KLF13: variants seen among roughly 807,000 people sequenced by gnomAD.
KLF13 encodes KLF transcription factor 13.
KLF13 carries 8 observed loss-of-function variants against 16.7 expected under a neutral mutation model. The ratio of observed to expected loss-of-function variants is 0.48; its 90% CI spans 0.28 to 0.87. KLF13 has a LOEUF of 0.87. KLF13 is among the 40% of genes least tolerant of loss of function. The pLI is 0.10. For missense variants in KLF13, 447 were observed against 452.2 expected, an observed-to-expected ratio of 0.99 and a Z score of 0.10; for synonymous variants, 245 against 208.4, an observed-to-expected ratio of 1.18 and a Z score of -1.51.
intron 1 of KLF13, among the ~76,000 whole-genome samples, chr15:31,339,069 T>A (rs1213701376): frequency 6.6e-6 from 1 of 152,062 alleles, no homozygotes; most frequent in African/African-American, 2.4e-5. Context: ...GGCCTGTCCC[T>A]TGGGTGTTGG....
chr15:31,381,890 C>T (rs147586177), downstream of KLF13, among the ~76,000 whole-genome samples: 17 of 152,326 alleles, frequency 1.1e-4, no homozygotes, highest in South Asian at 2.1e-4. Flanking sequence ...CCTGCACAGC[C>T]GTTGCTCAGG....
intron 1 of KLF13, among the ~76,000 whole-genome samples, chr15:31,429,481 G>A (rs1006106375): frequency 1.3e-5 from 2 of 152,092 alleles, no homozygotes; most frequent in Admixed American, 1.3e-4. Flanking sequence ...TTTGTCTTTG[G>A]GAAACTGAAA....
intron 1 of KLF13, among the ~76,000 whole-genome samples, chr15:31,433,750 G>A (rs578157577): frequency 7.1e-4 from 108 of 151,880 alleles, no homozygotes; most frequent in Non-Finnish European, 1.4e-3. Flanking sequence ...TGGTCTGGAA[G>A]CAGTGGTGCC....
rs150964767 is a variant in KLF13, at chr15:31,417,842, G to A, written n.118-17528G>A. Among the ~76,000 whole-genome samples, 58 of 152,182 alleles carry A rather than the reference G, an allele frequency of 3.8e-4. 2 individuals carry two copies. The highest frequency in any genetic ancestry group is 1.3e-3 in the African/African-American group (56 of 41,534). ...ATTACAGGCATGAGCCACTGCGCCC[G>A]GCTTTCTGGTATTCTGTTACAGCAG... On this transcript the variant is annotated intron_variant and non_coding_transcript_variant, in intron 1 of 1. Coordinates refer to the KLF13 transcript ENST00000558225.
rs565254170 is a variant in KLF13 at position 31,359,086 on chromosome 15, G to A, written c.578-12924G>A. 5.9e-5 allele frequency among the ~76,000 whole-genome samples: 9 copies of A among 152,324 alleles called. No individual in the cohort carries two copies. The East Asian group carries it at 1.5e-3, about 26-fold the overall frequency. On this transcript the variant is annotated intron_variant, in intron 1 of 1. Transcript: ENST00000307145. ...CTCTCATGAGTCCACAGGTAGCACC[G>A]TTCATCTGGAGAAGGCCTTCACTTG... is the stretch of plus-strand genomic sequence containing the variant.
At chr15:31,360,747 C>T (rs1437361798) in intron 1 of KLF13, among the ~76,000 whole-genome samples, 1 of 152,168 alleles carries the variant, frequency 6.6e-6, no homozygotes, top group Non-Finnish European at 1.5e-5. Flanking sequence ...AAACCAAAGG[C>T]GTTTTTTAGG....
intron 1 of KLF13, among the ~76,000 whole-genome samples, chr15:31,363,224 T>G (rs1284186549): frequency 1.3e-5 from 2 of 152,270 alleles, no homozygotes; most frequent in East Asian, 3.8e-4. Context: ...CATCTGCCAT[T>G]AGCTCCTGAT....
intron 2 of KLF13, among the ~76,000 whole-genome samples, chr15:31,401,986 C>T (rs1315789033): frequency 6.6e-6 from 1 of 152,248 alleles, no homozygotes; most frequent in African/African-American, 2.4e-5. Flanking sequence ...ATCTCCATGT[C>T]AGAAGAGCAC....
chr15:31,371,473 G>T (rs1433881192), intron 1 of KLF13, among the ~76,000 whole-genome samples: 2 of 152,214 alleles, frequency 1.3e-5, no homozygotes, highest in Non-Finnish European at 2.9e-5. Flanking sequence ...AGAATTCCAG[G>T]CCCCGGAACT....
chr15:31,412,966 T>A (rs2040212247), intron 1 of KLF13, among the ~76,000 whole-genome samples: 1 of 152,176 alleles, frequency 6.6e-6, no homozygotes, highest in Admixed American at 6.5e-5. Flanking sequence ...GGGAAAAATA[T>A]GAAGCTTAGA....
intron 1 of KLF13, among the ~76,000 whole-genome samples, chr15:31,369,418 C>T (rs1268561576): frequency 6.6e-6 from 1 of 152,240 alleles, no homozygotes; most frequent in Non-Finnish European, 1.5e-5. Context: ...TAGGAAAAAC[C>T]CCTAGAACCG....
chr15:31,416,906 A>C (rs938988778), intron 1 of KLF13, among the ~76,000 whole-genome samples: 7 of 152,110 alleles, frequency 4.6e-5, no homozygotes, highest in Non-Finnish European at 8.8e-5. Flanking sequence ...TTGGAAACTT[A>C]CTCCCCAATG....
At chr15:31,360,280 C>T (rs1449453895) in intron 1 of KLF13, among the ~76,000 whole-genome samples, 1 of 152,154 alleles carries the variant, frequency 6.6e-6, no homozygotes, top group Non-Finnish European at 1.5e-5. Flanking sequence ...AGCGGGCAGG[C>T]CTGTGCCGGG....
chr15:31,388,091 C>T (rs913515781), upstream of KLF13, among the ~76,000 whole-genome samples: 21 of 152,148 alleles, frequency 1.4e-4, 1 homozygote, highest in Admixed American at 1.3e-4. Context: ...AGGAAGGAGT[C>T]GAAGTCATCT....
intron 1 of KLF13, among the ~76,000 whole-genome samples, chr15:31,335,099 A>G (rs567331231): frequency 6.6e-6 from 1 of 151,422 alleles, no homozygotes; most frequent in African/African-American, 2.4e-5. Context: ...GTGTGAGTGG[A>G]CGTGGCACCC....
chr15:31,423,367 C>T (rs112688088), intron 1 of KLF13, among the ~76,000 whole-genome samples: 2,698 of 151,520 alleles, frequency 0.018, 60 homozygotes, highest in African/African-American at 0.053. Flanking sequence ...TGCTGTGGCT[C>T]ACGTCTGTAA....
At chr15:31,328,831 T>C (rs1266646479) in intron 1 of KLF13, among the ~76,000 whole-genome samples, 1 of 152,164 alleles carries the variant, frequency 6.6e-6, no homozygotes. Context: ...ATTGTATGCT[T>C]CCTCTGAGCT....
rs1057444584 is a variant in KLF13 at position 31,327,542 on chromosome 15, C to A, written c.330C>A (p.Ala110=). The A allele has an allele frequency of 1.9e-5, 21 of 1,110,630 alleles. No individual in the cohort carries two copies. Among genetic ancestry groups the A allele is most frequent in the Non-Finnish European group, 2.2e-5 (20 of 910,664 alleles). 68.8% of individuals were successfully genotyped at this position (1,110,630 alleles called of 1,614,324 possible). A position where few individuals can be genotyped will look rare whatever the true frequency, so the allele number is the denominator to read the frequency against. ...CCCCCGAGCCCACCTCCCCCGGCGC[C>A]GAAGGCGCGGCGGCCGCGCCCCCCA... ...PPAPEPTSPG[A]EGAAAAPPSP... Residue 110 remains alanine, a synonymous_variant, in exon 1 of 2, where the codon GCC becomes GCA. Coordinates refer to ENST00000307145, the MANE Select transcript of KLF13 (RefSeq NM_015995.4).
intron 2 of KLF13, among the ~76,000 whole-genome samples, chr15:31,401,876 C>A (rs924872942): frequency 6.6e-6 from 1 of 152,204 alleles, no homozygotes. Flanking sequence ...TGTGACCCAG[C>A]CTCAGAAGCC....
Sources: gnomAD v4.1 joint callset for allele counts (sites outside exome capture counted in the v4.1 genomes callset) on GRCh38, gnomAD v4.1.1 for gene constraint, MANE v1.5 for transcripts, NCBI Gene and HGNC (gene_info 2026-07-23, HGNC 2026-07-21) for gene names.